Variants in PRKAA1 observed in about 807,000 individuals in gnomAD.
PRKAA1 encodes the protein 5'-AMP-activated protein kinase catalytic subunit alpha-1.
Under a neutral mutation model 56.9 loss-of-function variants are expected in PRKAA1, and 23 were observed. That is an observed-to-expected ratio of 0.40 (90% CI 0.29 to 0.57). PRKAA1 has a LOEUF of 0.57. Among genes scored for constraint, PRKAA1 ranks in the 20% least tolerant of loss-of-function variants. The pLI, the probability that PRKAA1 is intolerant of heterozygous loss-of-function variation, is 0.39. For synonymous variants in PRKAA1, 226 were observed against 227.0 expected (o/e 1.00, Z 0.04); for missense variants, 413 against 679.7 (o/e 0.61, Z 4.36).
intron 1 of PRKAA1, chr5:40,790,345 C>T: frequency 6.6e-6 from 1 of 152,132 alleles, no homozygotes; most frequent in Non-Finnish European, 1.5e-5. Context: ...GACTGGGAAC[C>T]AAACAAATGT....
At chr5:40,771,580 G>C (rs1302399648) in intron 4 of PRKAA1, 139 bp downstream of exon 4, 1 of 801,704 alleles carries the variant, frequency 1.2e-6, no homozygotes, top group African/African-American at 1.8e-5. Context: ...TATCTTCATA[G>C]ACAAAACAGA....
intron 1 of PRKAA1, among the ~76,000 whole-genome samples, chr5:40,787,578 G>T (rs1195309194): frequency 6.6e-6 from 1 of 152,040 alleles, no homozygotes; most frequent in African/African-American, 2.4e-5. Flanking sequence ...GGAAGAGGGG[G>T]AGTAAAAATG....
At chr5:40,772,691 T>G (rs1743805111) in intron 3 of PRKAA1, among the ~76,000 whole-genome samples, 1 of 152,122 alleles carries the variant, frequency 6.6e-6, no homozygotes, top group Non-Finnish European at 1.5e-5. Context: ...TGGAGTGCAG[T>G]GATGCCATCA....
At chr5:40,796,467 C>G (rs1193066550) in intron 1 of PRKAA1, among the ~76,000 whole-genome samples, 1 of 151,902 alleles carries the variant, frequency 6.6e-6, no homozygotes, top group African/African-American at 2.4e-5. Flanking sequence ...TTTACAAACA[C>G]TTGTAAACTA....
intron 4 of PRKAA1, among the ~76,000 whole-genome samples, chr5:40,770,596 T>A (rs997068127): frequency 4.1e-5 from 2 of 48,278 alleles, no homozygotes; most frequent in East Asian, 3.7e-4. Flanking sequence ...AAATAAATTC[T>A]TTTTTTTTTT....
Position 40,779,612 on chromosome 5 carries a change from G to T in PRKAA1, c.128-2026C>A, listed in dbSNP as rs116034132. ...ACGTATCACTATGGTTGGTAATCAG[G>T]TGCACCCAGATTCATAACTGCGGTC... On this transcript the variant is annotated intron_variant, in intron 1 of 8. Coordinates refer to ENST00000397128, the MANE Select transcript of PRKAA1 (RefSeq NM_006251.6). Among the ~76,000 whole-genome samples the T allele has an allele frequency of 7.7e-3, 1,167 of 152,206 alleles. 10 individuals carry two copies. The highest frequency in any genetic ancestry group is 0.025 in the African/African-American group (1,053 of 41,522).
At chr5:40,790,525 C>CTCTTTTTTTT (rs546238399) in intron 1 of PRKAA1, among the ~76,000 whole-genome samples, 36 of 111,864 alleles carry the variant, frequency 3.2e-4, no homozygotes, top group Non-Finnish European at 5.3e-4. Context: ...TCAACTCTTT[C>CTCTTTTTTTT]TTTTTTTTTT....
intron 1 of PRKAA1, among the ~76,000 whole-genome samples, chr5:40,785,081 T>A (rs1744411414): frequency 6.6e-6 from 1 of 152,118 alleles, no homozygotes; most frequent in African/African-American, 2.4e-5. Flanking sequence ...TCATACAAAT[T>A]CATTCATTCA....
At chr5:40,796,047 T>A (rs946617503) in intron 1 of PRKAA1, among the ~76,000 whole-genome samples, 4 of 152,220 alleles carry the variant, frequency 2.6e-5, no homozygotes, top group Non-Finnish European at 5.9e-5. Context: ...CCGGGCACAG[T>A]GGCTCACGCC....
intron 1 of PRKAA1, among the ~76,000 whole-genome samples, chr5:40,783,934 T>C (rs2112070344): frequency 6.6e-6 from 1 of 152,304 alleles, no homozygotes; most frequent in Non-Finnish European, 1.5e-5. Context: ...TTATTCCTGT[T>C]TGAAGGTACT....
In PRKAA1 at chr5:40,761,443, C is replaced by CAT. The variant is rs898276847; in HGVS notation, c.*1333_*1334dup. The CAT allele has an allele frequency of 1.3e-5, 2 of 152,194 alleles. No individual in the cohort carries two copies. Among genetic ancestry groups the CAT allele is most frequent in the South Asian group, 4.2e-4 (2 of 4,816 alleles). 9.4% of individuals were successfully genotyped at this position (152,194 alleles called of 1,614,324 possible). A position where few individuals can be genotyped will look rare whatever the true frequency, so the allele number is the denominator to read the frequency against. On this transcript the variant is annotated 3_prime_UTR_variant, in exon 9 of 9. Transcript: ENST00000397128. ...GCATATATACATACACAAACAAACA[C>CAT]ATATATGCATATATATGCATAACTA... is the stretch of plus-strand genomic sequence containing the variant.
intron 5 of PRKAA1, among the ~76,000 whole-genome samples, chr5:40,768,034 G>A (rs1286170778): frequency 2.0e-5 from 3 of 148,686 alleles, no homozygotes; most frequent in Non-Finnish European, 4.6e-5. Flanking sequence ...CATCAACTGA[G>A]AATGTTCTTT....
At chr5:40,781,029 G>A (rs928198494) in intron 1 of PRKAA1, among the ~76,000 whole-genome samples, 6 of 151,982 alleles carry the variant, frequency 3.9e-5, no homozygotes, top group African/African-American at 1.2e-4. Flanking sequence ...AAAGGCAATC[G>A]GTTCCACCTA....
chr5:40,774,199 A>G (rs961069144), intron 3 of PRKAA1, among the ~76,000 whole-genome samples: 3 of 152,214 alleles, frequency 2.0e-5, no homozygotes, highest in Non-Finnish European at 4.4e-5. Flanking sequence ...TGGACAGCCA[A>G]GAATCACCAA....
chr5:40,768,660 A>G, intron 5 of PRKAA1: 1 of 1,203,526 alleles, frequency 8.3e-7, no homozygotes. Context: ...AGAAAATACT[A>G]CAGTATTTCT....
At chr5:40,785,042 T>C (rs972338585) in intron 1 of PRKAA1, among the ~76,000 whole-genome samples, 4 of 152,200 alleles carry the variant, frequency 2.6e-5, no homozygotes, top group Non-Finnish European at 5.9e-5. Flanking sequence ...TTCCTTGTAG[T>C]AATAAGAATT....
intron 8 of PRKAA1, 59 bp downstream of exon 8, chr5:40,764,455 C>T (rs750267751): frequency 4.7e-5 from 70 of 1,478,870 alleles, no homozygotes; most frequent in East Asian, 1.4e-4. Context: ...AGAATCAAGG[C>T]GTAAAATACC....
rs1424328842 is a variant in PRKAA1, at chr5:40,773,291, G to GT, written c.364-1429dup. Among the ~76,000 whole-genome samples the GT allele has an allele frequency of 6.6e-5, 10 of 152,150 alleles. No individual in the cohort carries two copies. The South Asian group carries it at 1.9e-3, about 28-fold the overall frequency. On this transcript the variant is annotated intron_variant, in intron 3 of 8. Transcript: ENST00000397128. ...TGTAGGTTCATGGGGAAAAAAAAGA[G>GT]TATCTGTTCAAATATGAAAAAATAG...
At chr5:40,772,308 A>G (rs1743783019) in intron 3 of PRKAA1, among the ~76,000 whole-genome samples, 1 of 152,224 alleles carries the variant, frequency 6.6e-6, no homozygotes, top group South Asian at 2.1e-4. Context: ...AATCTAGTTG[A>G]TGAAAATAGA....
Sources: allele counts gnomAD v4.1 joint callset (sites outside exome capture counted in the v4.1 genomes callset), GRCh38; gene constraint gnomAD v4.1.1; transcripts MANE v1.5; gene names NCBI Gene and HGNC (gene_info 2026-07-23, HGNC 2026-07-21).